IL2RB: variants seen among roughly 807,000 people sequenced by gnomAD.
IL2RB encodes the protein interleukin-2 receptor subunit beta.
In IL2RB, 17 loss-of-function variants were observed where a neutral mutation model predicts 44.2. That is an observed-to-expected ratio of 0.38 (90% CI 0.26 to 0.58). The LOEUF (loss-of-function observed/expected upper bound fraction) is 0.58, where lower values mean the gene tolerates loss of function less well. IL2RB is among the 20% of genes least tolerant of loss of function. The pLI, the probability that IL2RB is intolerant of heterozygous loss-of-function variation, is 0.63. For missense variants in IL2RB, 624 were observed against 685.5 expected, an observed-to-expected ratio of 0.91 and a Z score of 1.00; for synonymous variants, 286 against 297.9, an observed-to-expected ratio of 0.96 and a Z score of 0.41.
chr22:37,149,981 G>T, upstream of IL2RB: 1 of 910,024 alleles, frequency 1.1e-6, no homozygotes, highest in Non-Finnish European at 1.3e-6. Context: ...AGGATAGAGG[G>T]GCAAGGCCTG....
At chr22:37,150,689 T>C (rs138819575), upstream of IL2RB, among the ~76,000 whole-genome samples, 1 of 152,326 alleles carries the variant, frequency 6.6e-6, no homozygotes, top group Non-Finnish European at 1.5e-5. Context: ...TTCGATCTAA[T>C]TCTGTTTTCG....
chr22:37,131,799 C>A (rs1351716993), intron 9 of IL2RB, among the ~76,000 whole-genome samples: 1 of 151,396 alleles, frequency 6.6e-6, no homozygotes, highest in Non-Finnish European at 1.5e-5. Context: ...TGCAGTGGTG[C>A]CATCTCAGCT....
chr22:37,170,529 C>A (rs565955958), intron 1 of IL2RB, among the ~76,000 whole-genome samples: 1 of 152,124 alleles, frequency 6.6e-6, no homozygotes, highest in Non-Finnish European at 1.5e-5. Context: ...TAATGACAGG[C>A]GTGGCCTCTT....
At chr22:37,137,771 C>A in intron 5 of IL2RB, 36 bp from the exon 6 acceptor site, 1 of 1,588,926 alleles carries the variant, frequency 6.3e-7, no homozygotes, top group South Asian at 1.1e-5. Context: ...AGCAGTCAGC[C>A]ATGACCTCCA....
At chr22:37,150,707 C>T (rs1455976722), upstream of IL2RB, among the ~76,000 whole-genome samples, 1 of 152,132 alleles carries the variant, frequency 6.6e-6, no homozygotes, top group Non-Finnish European at 1.5e-5. Context: ...TCGTACCCAA[C>T]AACAATCCCC....
At chr22:37,170,087 AGAATGGAT>A (rs1209391954) in intron 1 of IL2RB, among the ~76,000 whole-genome samples, 4 of 112,428 alleles carry the variant, frequency 3.6e-5, no homozygotes, top group East Asian at 2.8e-4. Context: ...GAAGGAAGGA[AGAATGGAT>A]GGATGGATGG....
chr22:37,169,030 AGAG>A (rs1203756350), intron 1 of IL2RB, among the ~76,000 whole-genome samples: 1 of 151,612 alleles, frequency 6.6e-6, no homozygotes, highest in Non-Finnish European at 1.5e-5. Context: ...TCTTGTTTAC[AGAG>A]GAGTTCTGTT....
intron 3 of IL2RB, among the ~76,000 whole-genome samples, chr22:37,143,237 C>T (rs1922053109): frequency 6.6e-6 from 1 of 152,124 alleles, no homozygotes; most frequent in Non-Finnish European, 1.5e-5. Flanking sequence ...GCATAGCAGG[C>T]TTGCAGCTCA....
intron 9 of IL2RB, among the ~76,000 whole-genome samples, chr22:37,131,390 G>C (rs748321533): frequency 2.6e-5 from 4 of 152,098 alleles, no homozygotes; most frequent in Non-Finnish European, 2.9e-5. Context: ...TGGGAGCCTA[G>C]AGTGGGGCTA....
intron 4 of IL2RB, 92 bp downstream of exon 4, chr22:37,142,342 T>A: frequency 8.4e-7 from 1 of 1,194,702 alleles, no homozygotes; most frequent in African/African-American, 1.5e-5. Context: ...GGGCCTCAGC[T>A]CTTCCCCTGG....
At chr22:37,133,785 C>G (rs1010601278) in intron 8 of IL2RB, among the ~76,000 whole-genome samples, 1 of 152,246 alleles carries the variant, frequency 6.6e-6, no homozygotes, top group African/African-American at 2.4e-5. Context: ...AGCATCACTG[C>G]CGCCACAGGC....
At chr22:37,137,086 C>T (rs1921745714) in intron 6 of IL2RB, among the ~76,000 whole-genome samples, 1 of 152,210 alleles carries the variant, frequency 6.6e-6, no homozygotes, top group African/African-American at 2.4e-5. Flanking sequence ...GCCTGCCTGC[C>T]CTGCCCCAGT....
upstream of IL2RB, among the ~76,000 whole-genome samples, chr22:37,151,619 C>G (rs1055956345): frequency 1.3e-5 from 2 of 152,128 alleles, no homozygotes; most frequent in African/African-American, 2.4e-5. Flanking sequence ...TGGGGTATTG[C>G]TCAAGAAATC....
At chr22:37,136,539 G>A (rs976934309) in intron 6 of IL2RB, 146 bp from the exon 7 acceptor site, 25 of 861,716 alleles carry the variant, frequency 2.9e-5, no homozygotes, top group African/African-American at 5.2e-5. Context: ...CCAGTTGCTG[G>A]GGCCTCAAAC....
intron 9 of IL2RB, among the ~76,000 whole-genome samples, chr22:37,131,317 T>C (rs1175605252): frequency 1.3e-5 from 2 of 152,096 alleles, no homozygotes; most frequent in East Asian, 3.8e-4. Context: ...CCGGCATGGC[T>C]TTCCTCCTCC....
At chr22:37,159,106 C>A (rs1216836573) in intron 1 of IL2RB, among the ~76,000 whole-genome samples, 1 of 152,202 alleles carries the variant, frequency 6.6e-6, no homozygotes, top group African/African-American at 2.4e-5. Flanking sequence ...TATTCTTGGG[C>A]AGGTTTCACC....
intron 1 of IL2RB, among the ~76,000 whole-genome samples, chr22:37,164,975 C>T (rs1331576307): frequency 6.6e-6 from 1 of 151,860 alleles, no homozygotes; most frequent in East Asian, 1.9e-4. Context: ...CCAGCCCAGC[C>T]CTCCCGAGCC....
intron 1 of IL2RB, among the ~76,000 whole-genome samples, chr22:37,168,772 G>T (rs530159190): frequency 1.3e-5 from 2 of 152,330 alleles, no homozygotes; most frequent in Admixed American, 1.3e-4. Flanking sequence ...AGACTAGGTG[G>T]CTGAAGGCAG....
At position 37,143,884 on chromosome 22, in the gene IL2RB, C is replaced by CGTGTGTGTGTGT. The variant is rs55819516; in HGVS notation, c.88+189_88+200dup. 6.4e-4 allele frequency among the ~76,000 whole-genome samples: 90 copies of CGTGTGTGTGTGT among 139,886 alleles called. No individual in the cohort carries two copies. The Middle Eastern group carries it at 0.011, about 17-fold the overall frequency. 91.8% of individuals were successfully genotyped at this position (139,886 alleles called of 152,430 possible). A position where few individuals can be genotyped will look rare whatever the true frequency, so the allele number is the denominator to read the frequency against. On this transcript the variant is annotated intron_variant, in intron 2 of 9. Coordinates refer to ENST00000216223, the MANE Select transcript of IL2RB (RefSeq NM_000878.5). ...AGCACAAGCCTGTGGCTTGGAGAGG[C>CGTGTGTGTGTGT]GTGTGTGTGTGTGTGTGTGTGTGTG...
Sources: gnomAD v4.1 joint callset for allele counts (sites outside exome capture counted in the v4.1 genomes callset) on GRCh38, gnomAD v4.1.1 for gene constraint, MANE v1.5 for transcripts, NCBI Gene and HGNC (gene_info 2026-07-23, HGNC 2026-07-21) for gene names.